PER2: variants seen among roughly 807,000 people sequenced by gnomAD.
The protein encoded by PER2 is period circadian protein homolog 2.
PER2 carries 66 observed loss-of-function variants against 121.0 expected under a neutral mutation model. The ratio of observed to expected loss-of-function variants is 0.55; its 90% CI spans 0.45 to 0.67. PER2 has a LOEUF of 0.67. PER2 is among the 30% of genes least tolerant of loss of function. PER2 has a pLI of 0.00. For synonymous variants in PER2, 684 were observed against 659.9 expected, an observed-to-expected ratio of 1.04 and a Z score of -0.56; for missense variants, 1,521 against 1,635.0, an observed-to-expected ratio of 0.93 and a Z score of 1.20.
At chr2:238,296,879 C>T in the PER2 span, among the ~76,000 whole-genome samples, 14 of 152,208 alleles carry the variant, frequency 9.2e-5, no homozygotes, top group Non-Finnish European at 2.1e-4. Context: ...TTGATGAGAA[C>T]GCAGAGAGAA....
At chr2:238,279,945 C>A (rs1696580974) in intron 1 of PER2, among the ~76,000 whole-genome samples, 1 of 152,190 alleles carries the variant, frequency 6.6e-6, no homozygotes, top group Admixed American at 6.5e-5. Context: ...CCATGGAAGG[C>A]CCAAGCCATG....
In PER2 at chr2:238,261,050, C is replaced by T. The variant is rs531082025; in HGVS notation, c.1417-97G>A. On this transcript the variant is annotated intron_variant, in intron 12 of 22. Transcript: ENST00000254657. ...ACACCCTGTTTCGCAGAGAGGATGG[C>T]GACCCGCCTAAGGCTACATGGCAGA... 3.0e-5 allele frequency: 43 copies of T among 1,443,302 alleles called. No individual in the cohort carries two copies. The East Asian group carries it at 7.1e-4, about 24-fold the overall frequency. 89.4% of individuals were successfully genotyped at this position (1,443,302 alleles called of 1,614,324 possible).
chr2:238,297,124 G>A, the PER2 span, among the ~76,000 whole-genome samples: 1 of 152,182 alleles, frequency 6.6e-6, no homozygotes, highest in African/African-American at 2.4e-5. Flanking sequence ...AGGACCTGAG[G>A]CTGCACTGCC....
At chr2:238,250,402 A>C (rs1342044640) in intron 21 of PER2, 149 bp downstream of exon 21, 15 of 682,898 alleles carry the variant, frequency 2.2e-5, no homozygotes, top group Middle Eastern at 3.9e-4. Flanking sequence ...AATTGTCCAG[A>C]GGGAAGCCTG....
intron 22 of PER2, among the ~76,000 whole-genome samples, chr2:238,248,548 T>G (rs938766017): frequency 3.9e-5 from 6 of 152,196 alleles, no homozygotes; most frequent in African/African-American, 1.4e-4. Context: ...TGACTGAGAT[T>G]AGATTTTTCA....
Position 238,253,206 on chromosome 2 carries a change from G to A in PER2, c.2817C>T (p.Ser939=), listed in dbSNP as rs367571941. ...PQFPSHPTLT[S]EMASASQPEF... The stretch of plus-strand genomic sequence containing the variant: ...CAGGCTGTGAGGCAGAGGCCATCTC[G>A]GATGTGAGTGTGGGGTGGCTCGGAA... Residue 939 remains serine (S), a synonymous_variant, in exon 19 of 23, where the codon TCC becomes TCT. Coordinates refer to ENST00000254657, the MANE Select transcript of PER2 (RefSeq NM_022817.3). The surrounding 1 kb of genome is among the most constrained non-coding windows in gnomAD (Gnocchi z 5.6). 7.5e-5 allele frequency: 120 copies of A among 1,595,756 alleles called. No homozygotes were observed. The highest frequency in any genetic ancestry group is 1.7e-4 in the Middle Eastern group (1 of 5,974).
At chr2:238,261,068 A>G (rs1574846969) in intron 12 of PER2, 115 bp from the exon 13 acceptor site, 4 of 1,274,222 alleles carry the variant, frequency 3.1e-6, no homozygotes, top group Middle Eastern at 2.7e-4. Flanking sequence ...CTAAGGCTAC[A>G]TGGCAGAGAC....
chr2:238,245,783 G>T lies in PER2; in HGVS notation c.*592C>A. On this transcript the variant is annotated 3_prime_UTR_variant, in exon 23 of 23. Coordinates refer to ENST00000254657, the MANE Select transcript of PER2 (RefSeq NM_022817.3). ...AAAACCTATGTCAGACTGAAATATT[G>T]ACCACACCAGAAGCCAAAGCTGTTG... The T allele has an allele frequency of 2.5e-6, 1 of 397,556 alleles. No individual in the cohort carries two copies. Among genetic ancestry groups the T allele is most frequent in the Non-Finnish European group, 4.4e-6 (1 of 225,838 alleles). 24.6% of individuals were successfully genotyped at this position (397,556 alleles called of 1,614,324 possible).
At chr2:238,275,920 A>G (rs773479695) in intron 3 of PER2, 23 bp from the exon 4 acceptor site, 2 of 1,613,912 alleles carry the variant, frequency 1.2e-6, no homozygotes, top group Admixed American at 1.7e-5. Context: ...AGAAAGAGGC[A>G]GCCAAATGTT....
At chr2:238,267,875 T>C (rs1244906001) in intron 8 of PER2, among the ~76,000 whole-genome samples, 181 bp downstream of exon 8, 1 of 152,114 alleles carries the variant, frequency 6.6e-6, no homozygotes, top group Non-Finnish European at 1.5e-5. Flanking sequence ...CAGGGCCGGA[T>C]GACAAGCAGG....
intron 8 of PER2, among the ~76,000 whole-genome samples, chr2:238,266,147 C>T (rs1161515915): frequency 1.3e-5 from 2 of 152,192 alleles, no homozygotes; most frequent in Admixed American, 6.5e-5. Context: ...TCGTGATCCG[C>T]CCACCTTGGC....
In PER2 at chr2:238,277,723, G is replaced by A. The variant is rs377231408; in HGVS notation, c.214C>T (p.Pro72Ser). ...TGAACTCACCTCTGGCGGGCATCCG[G>A]TGGCTCCACCAGCATCCCCAGCTCC... ...GKELGMLVEPPDARQSPDTFS... is the reference protein window; with the variant it reads ...GKELGMLVEPSDARQSPDTFS... Residue 72 changes from proline to serine, a missense_variant, in exon 2 of 23, where the codon CCG becomes TCG. Coordinates refer to ENST00000254657, the MANE Select transcript of PER2 (RefSeq NM_022817.3). 2.4e-5 allele frequency: 39 copies of A among 1,614,016 alleles called. No homozygotes were observed. The highest frequency in any genetic ancestry group is 3.1e-5 in the Non-Finnish European group (36 of 1,180,030).
At position 238,278,894 on chromosome 2, in the gene PER2, T is replaced by C. The variant is rs1410744426; in HGVS notation, c.-19-939A>G. Among the ~76,000 whole-genome samples, 4 of 152,282 alleles carry C rather than the reference T, an allele frequency of 2.6e-5. No individual in the cohort carries two copies. In the South Asian group the frequency reaches 8.3e-4, roughly 32 times the overall value. ...TTGGGAGCTGCTGAGGCACTCTGAG[T>C]GCCAGGCCCACGGAACTCAGCTTGC... On this transcript the variant is annotated intron_variant, in intron 1 of 22. Transcript: ENST00000254657.
rs1056348764 is a variant in PER2 at position 238,259,774 on chromosome 2, T to C, written c.1627+195A>G. ...GGTGCCCAGTGTGGACATCAGTGCCTGCACTGGCTGAGTGCAGGACTGGGC... is the reference window on the plus strand; with the variant it reads ...GGTGCCCAGTGTGGACATCAGTGCCCGCACTGGCTGAGTGCAGGACTGGGC... On this transcript the variant is annotated intron_variant, in intron 14 of 22. Transcript: ENST00000254657. 5.3e-5 allele frequency among the ~76,000 whole-genome samples: 8 copies of C among 152,186 alleles called. 1 individual carries two copies. Among genetic ancestry groups the C allele is most frequent in the Non-Finnish European group, 1.5e-5 (1 of 68,022 alleles).
At chr2:238,269,321 C>T (rs1383493897) in intron 6 of PER2, among the ~76,000 whole-genome samples, 1 of 149,350 alleles carries the variant, frequency 6.7e-6, no homozygotes, top group African/African-American at 2.5e-5. Flanking sequence ...ACCAACTAAC[C>T]TGCAACTGAA....
rs1695786701 is a variant in PER2, at chr2:238,257,089, T to C, written c.1901-3A>G. The C allele has an allele frequency of 2.5e-6, 4 of 1,611,050 alleles. No homozygotes were observed. The highest frequency in any genetic ancestry group is 3.4e-6 in the Non-Finnish European group (4 of 1,179,756). ...CACCCTGGAGGGCGGCTCTGCCTCT[T>C]CATGAGAGGAAGGGGGAACAAACAT... On this transcript the variant is annotated splice_region_variant and splice_polypyrimidine_tract_variant and intron_variant, in intron 16 of 22. Transcript: ENST00000254657.
intron 11 of PER2, 140 bp downstream of exon 11, chr2:238,262,051 G>C: frequency 1.1e-6 from 1 of 900,244 alleles, no homozygotes; most frequent in Non-Finnish European, 1.8e-6. Flanking sequence ...GCAGTCTGGG[G>C]CTCCAGATTG....
Position 238,261,142 on chromosome 2 carries a change from G to A in PER2, c.1417-189C>T, listed in dbSNP as rs184476420. On this transcript the variant is annotated intron_variant, in intron 12 of 22. Coordinates refer to ENST00000254657, the MANE Select transcript of PER2 (RefSeq NM_022817.3). The stretch of plus-strand genomic sequence containing the variant: ...AGGTAGACTCCTGGCCTCCAGCCGC[G>A]GTGCCCCGACCCAGACATGCAGTCA... Among the ~76,000 whole-genome samples, 157 of 152,348 alleles carry A rather than the reference G, an allele frequency of 1.0e-3. 1 individual carries two copies. The highest frequency in any genetic ancestry group is 2.1e-3 in the South Asian group (10 of 4,830).
chr2:238,251,492 A>G (rs1038890009), intron 20 of PER2, 107 bp downstream of exon 20: 5 of 976,124 alleles, frequency 5.1e-6, no homozygotes, highest in East Asian at 2.4e-5. Context: ...CTGCTTGGGG[A>G]GTGCCGGTGA....
Sources: gnomAD v4.1 joint callset for allele counts (sites outside exome capture counted in the v4.1 genomes callset) on GRCh38, gnomAD v4.1.1 for gene constraint, Gnocchi (gnomAD v3.1) non-coding constraint, MANE v1.5 for transcripts, NCBI Gene and HGNC (gene_info 2026-07-23, HGNC 2026-07-21) for gene names.